Variants in SORCS1 observed in about 807,000 individuals in gnomAD.
SORCS1 encodes the protein VPS10 domain-containing receptor SorCS1.
In SORCS1, 60 loss-of-function variants were observed where a neutral mutation model predicts 146.1. The observed-to-expected ratio is 0.41, with a 90% CI of 0.33 to 0.51. SORCS1 has a LOEUF of 0.51. SORCS1 is among the 20% of genes least tolerant of loss of function. The pLI, the probability that SORCS1 is intolerant of heterozygous loss-of-function variation, is 0.21. For synonymous variants in SORCS1, 637 were observed against 584.0 expected, an observed-to-expected ratio of 1.09 and a Z score of -1.31; for missense variants, 1,352 against 1,487.6, an observed-to-expected ratio of 0.91 and a Z score of 1.50.
At chr10:106,885,471 A>G (rs2137790471) in intron 2 of SORCS1, among the ~76,000 whole-genome samples, 1 of 152,290 alleles carries the variant, frequency 6.6e-6, no homozygotes, top group Admixed American at 6.5e-5. Context: ...ATTTTTGCCC[A>G]TGAGGTCAGC....
At chr10:106,992,822 CTTTCTTTTTTT>C (rs1956822624) in intron 1 of SORCS1, among the ~76,000 whole-genome samples, 1 of 98,794 alleles carries the variant, frequency 1.0e-5, no homozygotes, top group Non-Finnish European at 1.8e-5. Flanking sequence ...TCCTTTCTTT[CTTTCTTTTTTT>C]TTTTTTTTTT....
intron 3 of SORCS1, among the ~76,000 whole-genome samples, chr10:106,807,044 A>C (rs1431542600): frequency 6.6e-6 from 1 of 152,184 alleles, no homozygotes; most frequent in East Asian, 1.9e-4. Flanking sequence ...ATTTAGTATA[A>C]AATTCAGGGA....
chr10:106,861,827 T>G (rs1255100877), intron 2 of SORCS1, among the ~76,000 whole-genome samples: 1 of 152,172 alleles, frequency 6.6e-6, no homozygotes, highest in Non-Finnish European at 1.5e-5. Flanking sequence ...AGGCAGAGGC[T>G]GCAGTGAGCC....
chr10:106,706,524 A>G, intron 8 of SORCS1, 21 bp downstream of exon 8: 1 of 1,611,844 alleles, frequency 6.2e-7, no homozygotes, highest in Non-Finnish European at 8.5e-7. Context: ...AGTGAAATGA[A>G]GAAAGTGATT....
intron 6 of SORCS1, among the ~76,000 whole-genome samples, chr10:106,722,580 G>C: frequency 6.6e-6 from 1 of 152,202 alleles, no homozygotes; most frequent in South Asian, 2.1e-4. Context: ...GTTGTTCCCC[G>C]GTGAATGAGA....
At chr10:107,131,770 C>G (rs879468275) in intron 1 of SORCS1, among the ~76,000 whole-genome samples, 8 of 152,186 alleles carry the variant, frequency 5.3e-5, no homozygotes, top group Non-Finnish European at 1.0e-4. Context: ...GCAGAGTCTG[C>G]TACACAGAGG....
rs761148118 is a variant in SORCS1 at position 106,667,725 on chromosome 10, T to C, written c.2267A>G (p.Asp756Gly). 1 of 1,613,974 alleles carries C rather than the reference T, an allele frequency of 6.2e-7. No individual in the cohort carries two copies. The highest frequency in any genetic ancestry group is 2.2e-5 in the East Asian group (1 of 44,870). ...GAGGTAACTCTGTCCCAAGCTGCAA[T>C]CCTTTGACAGAGAGGATGGATTGAA... The part of the protein sequence containing the change: ...FWFNPSSLSK[D>G]CSLGQSYLNS... The change falls in exon 17 of 26, where the codon GAT becomes GGT. Residue 756 changes from aspartate to glycine, a missense_variant. Physicochemically the swap from Asp to Gly is moderately conservative, Grantham distance 94. Transcript: ENST00000263054.
At chr10:107,138,424 C>G (rs1382514807) in intron 1 of SORCS1, among the ~76,000 whole-genome samples, 2 of 152,192 alleles carry the variant, frequency 1.3e-5, no homozygotes, top group African/African-American at 4.8e-5. Flanking sequence ...CCTTTTCATA[C>G]ACAGTTTTTC....
intron 4 of SORCS1, among the ~76,000 whole-genome samples, chr10:106,766,191 C>T (rs933364399): frequency 1.3e-5 from 2 of 152,150 alleles, no homozygotes. Flanking sequence ...CTTTCCTTCT[C>T]TCCTCTTAAC....
chr10:106,688,198 G>A lies in SORCS1; in HGVS notation c.1554C>T (p.Cys518=), dbSNP rs78945859. 1.6e-3 allele frequency: 2,555 copies of A among 1,612,966 alleles called. 36 individuals carry two copies. The African/African-American group carries it at 0.029, about 18-fold the overall frequency. ...DTDLRGDPVH[C]LLPYCSLHLH... ...CTTCAATAGGAAGACTCACCAGCAAGCAGTGCACGGGGTCCCCCCTTAGAT... is the reference window on the plus strand; with the variant it reads ...CTTCAATAGGAAGACTCACCAGCAAACAGTGCACGGGGTCCCCCCTTAGAT... Residue 518 remains cysteine (C), a synonymous_variant, in exon 10 of 26, where the codon TGC becomes TGT. Coordinates refer to ENST00000263054, the MANE Select transcript of SORCS1 (RefSeq NM_052918.5).
chr10:106,941,214 T>G (rs1198515644), intron 2 of SORCS1, among the ~76,000 whole-genome samples: 1 of 152,122 alleles, frequency 6.6e-6, no homozygotes, highest in Non-Finnish European at 1.5e-5. Flanking sequence ...TGTAGGCAAA[T>G]TGAATAGAAG....
chr10:107,158,987 C>A (rs527738513), intron 1 of SORCS1, among the ~76,000 whole-genome samples: 1 of 150,946 alleles, frequency 6.6e-6, no homozygotes, highest in African/African-American at 2.4e-5. Context: ...TTTTTACTTT[C>A]CAATTTCACA....
chr10:107,040,998 C>A (rs973789636), intron 1 of SORCS1, among the ~76,000 whole-genome samples: 2 of 151,958 alleles, frequency 1.3e-5, no homozygotes, highest in Non-Finnish European at 2.9e-5. Context: ...AACTTAAATG[C>A]CTATTATTGA....
chr10:106,945,241 T>C (rs528394706), intron 2 of SORCS1, among the ~76,000 whole-genome samples: 1 of 152,190 alleles, frequency 6.6e-6, no homozygotes, highest in South Asian at 2.1e-4. Context: ...GAAGTTGGTA[T>C]TTGGATTATG....
At chr10:106,982,359 C>T (rs991074906) in intron 1 of SORCS1, among the ~76,000 whole-genome samples, 1 of 152,110 alleles carries the variant, frequency 6.6e-6, no homozygotes, top group African/African-American at 2.4e-5. Context: ...GTACTTCTGC[C>T]TTCCATGGTA....
chr10:106,796,981 C>T (rs1946597865), intron 3 of SORCS1, among the ~76,000 whole-genome samples: 2 of 152,242 alleles, frequency 1.3e-5, no homozygotes, highest in South Asian at 4.1e-4. Flanking sequence ...GTGGCGGGTG[C>T]CTGTAGTCCT....
intron 1 of SORCS1, among the ~76,000 whole-genome samples, chr10:107,000,561 C>G (rs1018409691): frequency 6.7e-6 from 1 of 149,176 alleles, no homozygotes; most frequent in Non-Finnish European, 1.5e-5. Flanking sequence ...GAGCTGAGAT[C>G]GTGCCAATGC....
intron 1 of SORCS1, among the ~76,000 whole-genome samples, chr10:107,059,498 C>A (rs1298121946): frequency 6.6e-6 from 1 of 152,050 alleles, no homozygotes; most frequent in African/African-American, 2.4e-5. Flanking sequence ...TGGTAACTGC[C>A]CAGATGACAG....
intron 2 of SORCS1, among the ~76,000 whole-genome samples, chr10:106,888,693 C>T (rs1206610229): frequency 6.6e-6 from 1 of 152,154 alleles, no homozygotes; most frequent in East Asian, 1.9e-4. Flanking sequence ...ACCTACTCTC[C>T]AACTGGAATG....
Sources: gnomAD v4.1 joint callset for allele counts (sites outside exome capture counted in the v4.1 genomes callset) on GRCh38, gnomAD v4.1.1 for gene constraint, MANE v1.5 for transcripts, NCBI Gene and HGNC (gene_info 2026-07-23, HGNC 2026-07-21) for gene names.